Variants in KIF13B observed in about 807,000 individuals in gnomAD.
KIF13B encodes kinesin family member 13B, also known as kinesin-like protein KIF13B.
A neutral mutation model predicts 222.0 loss-of-function variants in KIF13B; 127 were observed. The observed-to-expected ratio is 0.57, with a 90% confidence interval of 0.50 to 0.66. KIF13B has a LOEUF of 0.66. Among genes scored for constraint, KIF13B ranks in the 30% least tolerant of loss-of-function variants. The probability of loss-of-function intolerance (pLI) is 0.00; values close to 1 mark genes in which losing one functional copy is unlikely to be tolerated. For missense variants in KIF13B, 2,173 were observed against 2,379.0 expected, an observed-to-expected ratio of 0.91 and a Z score of 1.80; for synonymous variants, 976 against 919.0, an observed-to-expected ratio of 1.06 and a Z score of -1.12.
intron 1 of KIF13B, among the ~76,000 whole-genome samples, chr8:29,258,952 C>T (rs960881144): frequency 6.6e-6 from 1 of 152,074 alleles, no homozygotes; most frequent in African/African-American, 2.4e-5. Context: ...AACAGGCAAC[C>T]CTAAGAAAAC....
chr8:29,073,762 C>G (rs766639117), intron 38 of KIF13B, among the ~76,000 whole-genome samples: 7 of 152,110 alleles, frequency 4.6e-5, no homozygotes, highest in Non-Finnish European at 1.0e-4. Context: ...AGGAACTGTC[C>G]TTTATATTCC....
chr8:29,077,731 C>T (rs1807628893), intron 37 of KIF13B, among the ~76,000 whole-genome samples: 2 of 152,196 alleles, frequency 1.3e-5, no homozygotes, highest in Non-Finnish European at 2.9e-5. Flanking sequence ...TAGATAGATG[C>T]TTATTAAATA....
intron 23 of KIF13B, 128 bp from the exon 24 acceptor site, chr8:29,130,793 A>G: frequency 1.3e-6 from 1 of 785,154 alleles, no homozygotes; most frequent in Non-Finnish European, 2.1e-6. Flanking sequence ...AATGATCTGT[A>G]GTTCAGTGAA....
intron 1 of KIF13B, among the ~76,000 whole-genome samples, chr8:29,256,317 T>A (rs536945357): frequency 6.6e-6 from 1 of 152,330 alleles, no homozygotes; most frequent in Admixed American, 6.5e-5. Context: ...CCAAGTTCAG[T>A]GATCCTCAGA....
chr8:29,102,603 C>T (rs558518482), intron 35 of KIF13B, among the ~76,000 whole-genome samples: 7 of 152,350 alleles, frequency 4.6e-5, no homozygotes, highest in South Asian at 2.1e-4. Flanking sequence ...CTGCCAGATA[C>T]GGATTCTTTG....
At chr8:29,149,510 T>C (rs928037989) in intron 15 of KIF13B, among the ~76,000 whole-genome samples, 3 of 152,194 alleles carry the variant, frequency 2.0e-5, no homozygotes, top group East Asian at 1.9e-4. Flanking sequence ...GGAAACCACA[T>C]GTACAGCCCC....
chr8:29,103,445 C>G (rs1230638816), intron 35 of KIF13B, among the ~76,000 whole-genome samples: 1 of 152,028 alleles, frequency 6.6e-6, no homozygotes, highest in Non-Finnish European at 1.5e-5. Flanking sequence ...TTTCATTATA[C>G]CTAGAGAAAA....
In KIF13B at chr8:29,150,323, T is replaced by C; in HGVS notation, c.1596A>G (p.Ile532Met). The C allele has an allele frequency of 6.3e-7, 1 of 1,588,236 alleles. No individual in the cohort carries two copies. The highest frequency in any genetic ancestry group is 8.6e-7 in the Non-Finnish European group (1 of 1,159,256). ...SPIQLHHGDR[I>M]LWGNNHFFRL... Reference sequence around the variant, plus strand: ...TGAAGAAATGATTGTTTCCCCATAATATCCTGTCCCCATGGTGTAGCTGTA... The same window carrying C: ...TGAAGAAATGATTGTTTCCCCATAACATCCTGTCCCCATGGTGTAGCTGTA... The change falls in exon 15 of 40, where the codon ATA becomes ATG. Residue 532 changes from isoleucine to methionine, a missense_variant. By Grantham distance (10) the Ile-to-Met change is conservative. Transcript: ENST00000524189.
intron 37 of KIF13B, among the ~76,000 whole-genome samples, chr8:29,075,701 C>T (rs969753258): frequency 9.2e-5 from 14 of 152,334 alleles, no homozygotes; most frequent in African/African-American, 2.9e-4. Context: ...AGGTGAAAGC[C>T]ATGCCAGGCT....
At position 29,203,164 on chromosome 8, in the gene KIF13B, G is replaced by A. The variant is rs1200226470; in HGVS notation, c.150-6965C>T. Among the ~76,000 whole-genome samples the A allele has an allele frequency of 2.6e-5, 4 of 152,320 alleles. No homozygotes were observed. The East Asian group carries it at 7.7e-4, about 29-fold the overall frequency. On this transcript the variant is annotated intron_variant, in intron 2 of 39. Transcript: ENST00000524189. ...TCCTTTACGGGAATGTCCAACACAAGGCTTTTTGCTTATTCTGCAAATATT... is the reference window on the plus strand; with the variant it reads ...TCCTTTACGGGAATGTCCAACACAAAGCTTTTTGCTTATTCTGCAAATATT...
chr8:29,170,642 G>A (rs1812196070), intron 10 of KIF13B, among the ~76,000 whole-genome samples: 1 of 152,118 alleles, frequency 6.6e-6, no homozygotes, highest in African/African-American at 2.4e-5. Flanking sequence ...GTTCCAAGTG[G>A]AACAAGAGTA....
intron 1 of KIF13B, chr8:29,250,059 T>C (rs1816212842): frequency 7.8e-7 from 1 of 1,288,744 alleles, no homozygotes; most frequent in South Asian, 1.2e-5. Context: ...GACCATATTG[T>C]ATCAGCTGGC....
At chr8:29,092,262 TAA>T (rs1169162876) in intron 37 of KIF13B, among the ~76,000 whole-genome samples, 2 of 152,184 alleles carry the variant, frequency 1.3e-5, no homozygotes, top group Admixed American at 6.5e-5. Flanking sequence ...TAGAGCTGGG[TAA>T]AGAGTTTTAA....
chr8:29,076,366 G>C (rs1032155177), intron 37 of KIF13B, among the ~76,000 whole-genome samples: 1 of 152,236 alleles, frequency 6.6e-6, no homozygotes, highest in African/African-American at 2.4e-5. Flanking sequence ...GCTGGTGGCT[G>C]CTCGGTTACT....
chr8:29,184,969 ATTTCT>A (rs1812867012), intron 6 of KIF13B, among the ~76,000 whole-genome samples: 1 of 151,824 alleles, frequency 6.6e-6, no homozygotes, highest in African/African-American at 2.4e-5. Flanking sequence ...TTTATTTTTA[ATTTCT>A]TTTGAGACAG....
intron 21 of KIF13B, among the ~76,000 whole-genome samples, chr8:29,137,564 G>A (rs1277943901): frequency 6.6e-6 from 1 of 152,210 alleles, no homozygotes; most frequent in African/African-American, 2.4e-5. Flanking sequence ...AGACTTCTTT[G>A]GGGGCTAATT....
At chr8:29,202,620 GAATA>G (rs1452786411) in intron 2 of KIF13B, among the ~76,000 whole-genome samples, 1 of 152,144 alleles carries the variant, frequency 6.6e-6, no homozygotes, top group African/African-American at 2.4e-5. Flanking sequence ...TTTAGTATAA[GAATA>G]ATTAACACTG....
chr8:29,106,486 G>A (rs983728650), intron 35 of KIF13B, among the ~76,000 whole-genome samples: 1 of 152,120 alleles, frequency 6.6e-6, no homozygotes, highest in East Asian at 1.9e-4. Flanking sequence ...ACAAAAGTTA[G>A]TAGGGCGTGG....
In KIF13B at chr8:29,070,150, C is replaced by T; in HGVS notation, c.*354G>A. 3 of 311,904 alleles carry T rather than the reference C, an allele frequency of 9.6e-6. No homozygotes were observed. The highest frequency in any genetic ancestry group is 6.0e-6 in the Non-Finnish European group (1 of 167,234). 19.3% of individuals were successfully genotyped at this position (311,904 alleles called of 1,614,324 possible). A position where few individuals can be genotyped will look rare whatever the true frequency, so the allele number is the denominator to read the frequency against. On this transcript the variant is annotated 3_prime_UTR_variant, in exon 40 of 40. Coordinates refer to ENST00000524189, the MANE Select transcript of KIF13B (RefSeq NM_015254.4). The surrounding 1 kb of genome is among the most constrained non-coding windows in gnomAD (Gnocchi z 4.1). ...TTAGGTTAAGACATTAGTGGGGCCA[C>T]CAGAATGGAAATGATAGAAAGAGCA...
Sources: allele counts gnomAD v4.1 joint callset (sites outside exome capture counted in the v4.1 genomes callset), GRCh38; gene constraint gnomAD v4.1.1; non-coding constraint Gnocchi (gnomAD v3.1); transcripts MANE v1.5; gene names NCBI Gene and HGNC (gene_info 2026-07-23, HGNC 2026-07-21).